Variants in MPHOSPH9 observed in about 807,000 individuals in gnomAD.
MPHOSPH9 encodes the protein M-phase phosphoprotein 9.
Under a neutral mutation model 145.5 loss-of-function variants are expected in MPHOSPH9, and 88 were observed. The observed-to-expected ratio is 0.60, with a 90% confidence interval of 0.51 to 0.72. MPHOSPH9 has a LOEUF of 0.72. MPHOSPH9 is among the 30% of genes least tolerant of loss of function. The pLI is 0.00. For missense variants in MPHOSPH9, 1,238 were observed against 1,386.6 expected (o/e 0.89, Z 1.70); for synonymous variants, 435 against 486.2 (o/e 0.89, Z 1.39).
chr12:123,190,270 A>G (rs2045620979), intron 13 of MPHOSPH9, among the ~76,000 whole-genome samples: 1 of 151,258 alleles, frequency 6.6e-6, no homozygotes, highest in Non-Finnish European at 1.5e-5. Flanking sequence ...CTCCTGCCTC[A>G]GCCTCCCGAG....
rs191413904 is a variant in MPHOSPH9 at position 123,207,424 on chromosome 12, C to T, written c.1194+2632G>A. 3.0e-3 allele frequency among the ~76,000 whole-genome samples: 463 copies of T among 152,176 alleles called. 2 individuals carry two copies. The highest frequency in any genetic ancestry group is 5.3e-3 in the Non-Finnish European group (359 of 68,018). ...TCATGAAGTACGGAACATTGGTTTCCGTCACTGAGACTCTGATGCTTACAA... is the reference window on the plus strand; with the variant it reads ...TCATGAAGTACGGAACATTGGTTTCTGTCACTGAGACTCTGATGCTTACAA... On this transcript the variant is annotated intron_variant, in intron 8 of 23. Coordinates refer to ENST00000606320, the MANE Select transcript of MPHOSPH9 (RefSeq NM_022782.4).
intron 3 of MPHOSPH9, among the ~76,000 whole-genome samples, chr12:123,224,480 A>G (rs907864298): frequency 6.6e-6 from 1 of 152,018 alleles, no homozygotes; most frequent in African/African-American, 2.4e-5. Flanking sequence ...CATGTTGGCC[A>G]GGCTGTTCTC....
downstream of MPHOSPH9, chr12:123,152,657 A>T: frequency 2.2e-6 from 1 of 453,776 alleles, no homozygotes; most frequent in Non-Finnish European, 4.4e-6. Flanking sequence ...CAGGCAGAAA[A>T]GACTTAGTAA....
intron 19 of MPHOSPH9, 60 bp downstream of exon 19, chr12:123,163,890 A>G: frequency 6.2e-7 from 1 of 1,601,810 alleles, no homozygotes; most frequent in Non-Finnish European, 8.5e-7. Flanking sequence ...GCGGGCACAA[A>G]TAGATTTGAC....
chr12:123,220,659 C>T (rs1235489258), intron 5 of MPHOSPH9, among the ~76,000 whole-genome samples: 4 of 152,074 alleles, frequency 2.6e-5, no homozygotes, highest in Non-Finnish European at 5.9e-5. Context: ...GTCCTAGCTA[C>T]TCAGGAGGAT....
chr12:123,173,319 A>G (rs563023113), intron 16 of MPHOSPH9, among the ~76,000 whole-genome samples: 2 of 152,286 alleles, frequency 1.3e-5, no homozygotes, highest in African/African-American at 4.8e-5. Flanking sequence ...TATGACATAT[A>G]TTATACATCA....
At chr12:123,200,058 TG>T (rs1043728207) in intron 11 of MPHOSPH9, among the ~76,000 whole-genome samples, 1 of 152,186 alleles carries the variant, frequency 6.6e-6, no homozygotes, top group African/African-American at 2.4e-5. Flanking sequence ...TTCAGTACTA[TG>T]GATTCTAATG....
intron 2 of MPHOSPH9, among the ~76,000 whole-genome samples, chr12:123,228,880 C>T (rs1341920065): frequency 6.6e-6 from 1 of 152,168 alleles, no homozygotes; most frequent in African/African-American, 2.4e-5. Context: ...ACAGGAATAT[C>T]TTCTAGAAGT....
At chr12:123,189,258 C>T (rs764605214) in intron 13 of MPHOSPH9, among the ~76,000 whole-genome samples, 16 of 152,152 alleles carry the variant, frequency 1.1e-4, no homozygotes, top group Non-Finnish European at 2.1e-4. Flanking sequence ...ATTCCAGCTC[C>T]CAGTCCTTAA....
Position 123,155,513 on chromosome 12 carries a change from A to C in MPHOSPH9, c.*1294T>G. The C allele has an allele frequency of 6.6e-6, 1 of 152,262 alleles. No individual in the cohort carries two copies. The highest frequency in any genetic ancestry group is 1.9e-4 in the East Asian group (1 of 5,202). The allele number at this position is 152,262 out of a possible 1,614,324, so 9.4% of individuals were successfully genotyped here. A position where few individuals can be genotyped will look rare whatever the true frequency, so the allele number is the denominator to read the frequency against. ...GCCACATAAAGAGGAAAAGCTCAAA[A>C]GCAAACCAAAATTTAAAACCTGAGC... On this transcript the variant is annotated 3_prime_UTR_variant, in exon 24 of 24. Coordinates refer to ENST00000606320, the MANE Select transcript of MPHOSPH9 (RefSeq NM_022782.4).
chr12:123,197,183 A>T (rs575334963), intron 12 of MPHOSPH9, among the ~76,000 whole-genome samples: 131 of 151,424 alleles, frequency 8.7e-4, no homozygotes, highest in African/African-American at 2.2e-3. Context: ...GCAAAAAATT[A>T]AAAAAAAATT....
intron 15 of MPHOSPH9, among the ~76,000 whole-genome samples, 194 bp downstream of exon 15, chr12:123,179,732 A>G (rs2045039715): frequency 6.6e-6 from 1 of 151,716 alleles, no homozygotes; most frequent in African/African-American, 2.4e-5. Context: ...AAAAAAAAAA[A>G]AAAGAGAGAG....
At chr12:123,226,833 C>T (rs945017356) in intron 3 of MPHOSPH9, among the ~76,000 whole-genome samples, 2 of 152,110 alleles carry the variant, frequency 1.3e-5, no homozygotes, top group Admixed American at 6.6e-5. Context: ...GACAGGGTCT[C>T]GCTATCTTGC....
chr12:123,221,283 A>C (rs1222210274), intron 5 of MPHOSPH9, 89 bp downstream of exon 5: 17 of 1,066,784 alleles, frequency 1.6e-5, no homozygotes, highest in South Asian at 8.5e-5. Flanking sequence ...TAAATGTTCA[A>C]ATACATCTCA....
chr12:123,182,503 G>A (rs1178588421), intron 13 of MPHOSPH9, among the ~76,000 whole-genome samples: 4 of 150,760 alleles, frequency 2.7e-5, no homozygotes, highest in Non-Finnish European at 5.9e-5. Flanking sequence ...GCCTTGGCCT[G>A]CCAAAGTGCT....
intron 5 of MPHOSPH9, 23 bp from the exon 6 acceptor site, chr12:123,218,522 A>G: frequency 6.2e-7 from 1 of 1,604,848 alleles, no homozygotes; most frequent in African/African-American, 1.3e-5. Flanking sequence ...AGAAAACCAA[A>G]ATTACTTTTT....
At chr12:123,175,236 C>T (rs1318767696) in intron 16 of MPHOSPH9, among the ~76,000 whole-genome samples, 2 of 151,894 alleles carry the variant, frequency 1.3e-5, no homozygotes, top group Admixed American at 6.6e-5. Context: ...CTGCAAGCTC[C>T]GCCTCCCGGG....
chr12:123,186,917 T>C (rs1036331859), intron 13 of MPHOSPH9, among the ~76,000 whole-genome samples: 1 of 152,114 alleles, frequency 6.6e-6, no homozygotes, highest in African/African-American at 2.4e-5. Flanking sequence ...GCCAAGATCA[T>C]GCCACTGCAC....
chr12:123,218,232 C>T, intron 6 of MPHOSPH9, 144 bp downstream of exon 6: 1 of 1,207,814 alleles, frequency 8.3e-7, no homozygotes, highest in Non-Finnish European at 1.1e-6. Flanking sequence ...AACTCCGTCT[C>T]AAAAAAACAA....
Sources: allele counts gnomAD v4.1 joint callset (sites outside exome capture counted in the v4.1 genomes callset), GRCh38; gene constraint gnomAD v4.1.1; transcripts MANE v1.5; gene names NCBI Gene and HGNC (gene_info 2026-07-23, HGNC 2026-07-21).